Variants in MARCHF11 observed in about 807,000 individuals in gnomAD.
MARCHF11 encodes E3 ubiquitin-protein ligase MARCHF11.
A neutral mutation model predicts 37.3 loss-of-function variants in MARCHF11; 29 were observed. The observed-to-expected ratio is 0.78, with a 90% CI of 0.58 to 1.06. The LOEUF (loss-of-function observed/expected upper bound fraction) is 1.06, where lower values mean the gene tolerates loss of function less well. MARCHF11 is among the 50% of genes least tolerant of loss of function. MARCHF11 has a pLI of 0.00. For missense variants in MARCHF11, 482 were observed against 533.4 expected (o/e 0.90, Z 0.95); for synonymous variants, 233 against 228.0 (o/e 1.02, Z -0.20).
At chr5:16,100,494 G>A (rs557484720) in intron 2 of MARCHF11, among the ~76,000 whole-genome samples, 23 of 152,196 alleles carry the variant, frequency 1.5e-4, no homozygotes, top group Non-Finnish European at 1.9e-4. Flanking sequence ...GTTATCAAGT[G>A]AGAATCACGA....
intron 3 of MARCHF11, among the ~76,000 whole-genome samples, chr5:16,086,879 AG>A (rs1294730377): frequency 6.6e-6 from 1 of 152,238 alleles, no homozygotes; most frequent in African/African-American, 2.4e-5. Flanking sequence ...CAAAGTGTCC[AG>A]GGTGGAGTGA....
chr5:16,133,734 C>T (rs1055835624), intron 2 of MARCHF11, among the ~76,000 whole-genome samples: 9 of 151,736 alleles, frequency 5.9e-5, no homozygotes, highest in Non-Finnish European at 1.0e-4. Flanking sequence ...CTTCCCTGAG[C>T]GACAATGGAA....
Position 16,149,507 on chromosome 5 carries a change from A to C in MARCHF11, c.693+28219T>G, listed in dbSNP as rs552092426. ...TAATATCTACTAAAGCCATACACAC[A>C]TATACCCTAAGACCCATTGTCATTG... is the stretch of plus-strand genomic sequence containing the variant. On this transcript the variant is annotated intron_variant, in intron 2 of 3. Coordinates refer to ENST00000332432, the MANE Select transcript of MARCHF11 (RefSeq NM_001102562.3). Among the ~76,000 whole-genome samples, 5 of 152,216 alleles carry C rather than the reference A, an allele frequency of 3.3e-5. No homozygotes were observed. The East Asian group carries it at 9.7e-4, about 29-fold the overall frequency.
At chr5:16,120,378 T>A (rs1443823746) in intron 2 of MARCHF11, among the ~76,000 whole-genome samples, 1 of 152,192 alleles carries the variant, frequency 6.6e-6, no homozygotes, top group East Asian at 1.9e-4. Context: ...TCACTTAGAT[T>A]GCTACCATAG....
At chr5:16,168,551 T>C (rs919718035) in intron 2 of MARCHF11, among the ~76,000 whole-genome samples, 1 of 152,068 alleles carries the variant, frequency 6.6e-6, no homozygotes, top group Non-Finnish European at 1.5e-5. Context: ...GACGGAAAGG[T>C]GGTTTTGCAT....
chr5:16,165,082 CCTG>C (rs549195213), intron 2 of MARCHF11, among the ~76,000 whole-genome samples: 46 of 152,174 alleles, frequency 3.0e-4, no homozygotes, highest in African/African-American at 1.0e-3. Context: ...CAGTCCCTTC[CCTG>C]CTTAGAGTCT....
At chr5:16,121,886 G>C (rs977794303) in intron 2 of MARCHF11, among the ~76,000 whole-genome samples, 2 of 152,146 alleles carry the variant, frequency 1.3e-5, no homozygotes. Context: ...CATAATAACA[G>C]TGCTAACACT....
At chr5:16,112,729 T>C (rs1452068868) in intron 2 of MARCHF11, among the ~76,000 whole-genome samples, 1 of 152,158 alleles carries the variant, frequency 6.6e-6, no homozygotes, top group African/African-American at 2.4e-5. Context: ...AGTGGTGGAA[T>C]GATCTGATTT....
intron 3 of MARCHF11, among the ~76,000 whole-genome samples, chr5:16,071,405 T>C (rs1736435924): frequency 6.6e-6 from 1 of 152,192 alleles, no homozygotes; most frequent in African/African-American, 2.4e-5. Flanking sequence ...AACTGGACCA[T>C]CACCTTACTG....
chr5:16,110,891 G>A (rs1026908421), intron 2 of MARCHF11, among the ~76,000 whole-genome samples: 1 of 152,166 alleles, frequency 6.6e-6, no homozygotes, highest in Non-Finnish European at 1.5e-5. Context: ...GGGACCAGGT[G>A]AGAGAGAACT....
chr5:16,087,396 G>A (rs1736716861), intron 3 of MARCHF11, among the ~76,000 whole-genome samples: 1 of 152,100 alleles, frequency 6.6e-6, no homozygotes, highest in African/African-American at 2.4e-5. Context: ...TATCACTTAG[G>A]AAATGCAACC....
intron 3 of MARCHF11, among the ~76,000 whole-genome samples, chr5:16,071,306 G>C (rs543661523): frequency 1.3e-3 from 197 of 152,262 alleles, no homozygotes; most frequent in South Asian, 2.9e-3. Context: ...TGATTCATGA[G>C]ACTTTAAGGT....
chr5:16,154,016 C>G (rs547386202), intron 2 of MARCHF11, among the ~76,000 whole-genome samples: 1 of 151,882 alleles, frequency 6.6e-6, no homozygotes, highest in Admixed American at 6.6e-5. Context: ...ATCAGGACAA[C>G]GAGATAGGAG....
chr5:16,159,226 GACACACCATCAT>G (rs1329715447), intron 2 of MARCHF11, among the ~76,000 whole-genome samples: 1 of 151,644 alleles, frequency 6.6e-6, no homozygotes, highest in Non-Finnish European at 1.5e-5. Context: ...AAGTTTTATG[GACACACCATCAT>G]ACAACAGAAG....
chr5:16,080,878 C>T (rs1415671890), intron 3 of MARCHF11, among the ~76,000 whole-genome samples: 1 of 152,198 alleles, frequency 6.6e-6, no homozygotes, highest in African/African-American at 2.4e-5. Context: ...TGATCAGCCA[C>T]ATTCAGGGAT....
intron 2 of MARCHF11, among the ~76,000 whole-genome samples, chr5:16,152,632 C>T (rs1485847409): frequency 6.6e-6 from 1 of 151,932 alleles, no homozygotes; most frequent in East Asian, 1.9e-4. Flanking sequence ...ACTCCCTCCC[C>T]AAAGTTTATG....
intron 2 of MARCHF11, among the ~76,000 whole-genome samples, chr5:16,123,673 T>G (rs970019573): frequency 6.6e-6 from 1 of 152,158 alleles, no homozygotes; most frequent in Non-Finnish European, 1.5e-5. Context: ...CTCATTTCTA[T>G]GACAAGCTAT....
At chr5:16,161,221 G>GCT (rs1738071892) in intron 2 of MARCHF11, among the ~76,000 whole-genome samples, 1 of 124,018 alleles carries the variant, frequency 8.1e-6, no homozygotes, top group African/African-American at 3.2e-5. Flanking sequence ...ACTTTTAACA[G>GCT]ATGATCTAAA....
intron 2 of MARCHF11, among the ~76,000 whole-genome samples, chr5:16,118,793 C>A (rs1737262691): frequency 6.6e-6 from 1 of 152,108 alleles, no homozygotes; most frequent in Admixed American, 6.5e-5. Context: ...TTGGCTTTGG[C>A]AAGAGCAGTT....
Sources: gnomAD v4.1 joint callset for allele counts (sites outside exome capture counted in the v4.1 genomes callset) on GRCh38, gnomAD v4.1.1 for gene constraint, MANE v1.5 for transcripts, NCBI Gene and HGNC (gene_info 2026-07-23, HGNC 2026-07-21) for gene names.